VEPH1: variants seen among roughly 807,000 people sequenced by gnomAD.
VEPH1 encodes ventricular zone-expressed PH domain-containing protein homolog 1.
A neutral mutation model predicts 85.2 loss-of-function variants in VEPH1; 80 were observed. That is an observed-to-expected ratio of 0.94 (90% CI 0.78 to 1.13). The LOEUF is 1.13. VEPH1 is among the 50% of genes most tolerant of loss of function. The pLI is 0.00. For synonymous variants in VEPH1, 297 were observed against 348.0 expected (o/e 0.85, Z 1.63); for missense variants, 955 against 980.5 (o/e 0.97, Z 0.35).
intron 3 of VEPH1, among the ~76,000 whole-genome samples, chr3:157,469,595 G>A (rs1454478447): frequency 6.6e-6 from 1 of 152,046 alleles, no homozygotes; most frequent in African/African-American, 2.4e-5. Flanking sequence ...TCATTCAAAA[G>A]GGAAAAAAGA....
intron 9 of VEPH1, among the ~76,000 whole-genome samples, chr3:157,359,342 T>C (rs1038715174): frequency 1.3e-5 from 2 of 152,232 alleles, no homozygotes; most frequent in African/African-American, 4.8e-5. Flanking sequence ...ATTCAGTTCC[T>C]CCAGTCTTGT....
At chr3:157,423,310 T>C (rs1194573995) in intron 5 of VEPH1, among the ~76,000 whole-genome samples, 1 of 152,214 alleles carries the variant, frequency 6.6e-6, no homozygotes, top group Non-Finnish European at 1.5e-5. Context: ...AATTCCCCAG[T>C]CCTCTGCCTG....
intron 6 of VEPH1, among the ~76,000 whole-genome samples, chr3:157,395,487 A>C (rs12486427): frequency 0.67 from 102,595 of 152,052 alleles, 35,009 homozygotes; most frequent in East Asian, 0.79. Flanking sequence ...ACACCATGGC[A>C]ACTGTGTTCA....
intron 3 of VEPH1, among the ~76,000 whole-genome samples, chr3:157,467,869 T>A (rs1736536159): frequency 6.6e-6 from 1 of 152,216 alleles, no homozygotes; most frequent in African/African-American, 2.4e-5. Flanking sequence ...CTCTCTACAA[T>A]CTTACAAACT....
At chr3:157,443,369 A>G (rs1734290020) in intron 4 of VEPH1, 1 of 174,556 alleles carries the variant, frequency 5.7e-6, no homozygotes, top group Non-Finnish European at 1.2e-5. Flanking sequence ...TTTGTTGTCC[A>G]TTGTTCATTG....
chr3:157,269,296 A>G lies in VEPH1; in HGVS notation c.2129-3634T>C, dbSNP rs79493397. On this transcript the variant is annotated intron_variant, in intron 12 of 13. Coordinates refer to ENST00000362010, the MANE Select transcript of VEPH1 (RefSeq NM_001167912.2). Reference sequence around the variant, plus strand: ...TGAATGGGATATAATAACTATGATGAGACAGTCAAGACCAAATGATAGGCT... The same window carrying G: ...TGAATGGGATATAATAACTATGATGGGACAGTCAAGACCAAATGATAGGCT... Among the ~76,000 whole-genome samples, 761 of 152,352 alleles carry G rather than the reference A, an allele frequency of 5.0e-3. 5 individuals are homozygous for G. Among genetic ancestry groups the G allele is most frequent in the Middle Eastern group, 0.017 (5 of 294 alleles).
intron 4 of VEPH1, among the ~76,000 whole-genome samples, chr3:157,450,041 A>G (rs983725965): frequency 2.2e-5 from 3 of 135,080 alleles, no homozygotes; most frequent in Non-Finnish European, 3.1e-5. Context: ...TGACTGGAGA[A>G]TATTTACTTT....
chr3:157,357,949 G>A (rs768632805), intron 9 of VEPH1, among the ~76,000 whole-genome samples: 8 of 152,306 alleles, frequency 5.3e-5, no homozygotes, highest in Middle Eastern at 3.4e-3. Flanking sequence ...AGTCATGGAT[G>A]CAAGTAGGTG....
At chr3:157,359,764 A>G (rs951962572) in intron 9 of VEPH1, among the ~76,000 whole-genome samples, 4 of 152,210 alleles carry the variant, frequency 2.6e-5, no homozygotes, top group Non-Finnish European at 5.9e-5. Context: ...GTGGAACCAT[A>G]TGAAATTGAT....
intron 5 of VEPH1, among the ~76,000 whole-genome samples, chr3:157,416,159 G>A (rs1387386248): frequency 1.3e-5 from 2 of 152,172 alleles, no homozygotes; most frequent in Non-Finnish European, 2.9e-5. Flanking sequence ...AGGAAGGTAA[G>A]TGTAATTTAT....
At chr3:157,321,755 A>G (rs1721375180) in intron 9 of VEPH1, among the ~76,000 whole-genome samples, 1 of 152,162 alleles carries the variant, frequency 6.6e-6, no homozygotes, top group African/African-American at 2.4e-5. Flanking sequence ...AAGTGGGAGC[A>G]GACCAAAAGC....
At chr3:157,491,211 G>A (rs1422691425) in intron 2 of VEPH1, among the ~76,000 whole-genome samples, 1 of 152,126 alleles carries the variant, frequency 6.6e-6, no homozygotes, top group African/African-American at 2.4e-5. Flanking sequence ...TACCTAACAT[G>A]TTAAAGTGGG....
chr3:157,350,957 T>C (rs1356302270), intron 9 of VEPH1, among the ~76,000 whole-genome samples: 1 of 152,208 alleles, frequency 6.6e-6, no homozygotes, highest in Non-Finnish European at 1.5e-5. Flanking sequence ...GAGAACAGTA[T>C]GGAGGTCCCT....
chr3:157,307,736 G>T (rs1255959667), intron 11 of VEPH1, among the ~76,000 whole-genome samples: 1 of 151,824 alleles, frequency 6.6e-6, no homozygotes, highest in Admixed American at 6.6e-5. Context: ...CATGAGAAAA[G>T]TCTGTTGTCA....
chr3:157,396,496 A>C (rs918924738), intron 6 of VEPH1, among the ~76,000 whole-genome samples: 1 of 152,138 alleles, frequency 6.6e-6, no homozygotes, highest in African/African-American at 2.4e-5. Context: ...TCTGCCTCCT[A>C]GGTCTGTAAG....
intron 12 of VEPH1, among the ~76,000 whole-genome samples, chr3:157,274,351 C>T (rs998306197): frequency 2.0e-5 from 3 of 152,082 alleles, no homozygotes; most frequent in Admixed American, 1.3e-4. Flanking sequence ...TCCTAATGGC[C>T]TATATCAAAG....
At chr3:157,279,851 A>G (rs1266604439) in intron 12 of VEPH1, among the ~76,000 whole-genome samples, 2 of 152,024 alleles carry the variant, frequency 1.3e-5, no homozygotes, top group Non-Finnish European at 2.9e-5. Context: ...CCCTGTATCT[A>G]CTAAAAATAC....
chr3:157,495,358 T>G lies in VEPH1; in HGVS notation c.-9A>C, dbSNP rs1305450936. The G allele has an allele frequency of 6.2e-7, 1 of 1,613,536 alleles. No individual in the cohort carries two copies. The highest frequency in any genetic ancestry group is 8.5e-7 in the Non-Finnish European group (1 of 1,179,686). On this transcript the variant is annotated 5_prime_UTR_variant, in exon 2 of 14. Transcript: ENST00000362010. ...CTGAACAGTTGATGCATGGTGAGGA[T>G]GAGTTTGATCAGTTGACTTTCTACA... is the stretch of plus-strand genomic sequence containing the variant.
chr3:157,429,459 A>G (rs1242947112), intron 4 of VEPH1, among the ~76,000 whole-genome samples: 1 of 152,224 alleles, frequency 6.6e-6, no homozygotes, highest in Non-Finnish European at 1.5e-5. Context: ...AATTTTCAGA[A>G]TATCAATATC....
Sources: allele counts gnomAD v4.1 joint callset (sites outside exome capture counted in the v4.1 genomes callset), GRCh38; gene constraint gnomAD v4.1.1; transcripts MANE v1.5; gene names NCBI Gene and HGNC (gene_info 2026-07-23, HGNC 2026-07-21).